NCKAP5: variants seen among roughly 807,000 people sequenced by gnomAD.
NCKAP5 encodes the protein nck-associated protein 5.
Under a neutral mutation model 167.0 loss-of-function variants are expected in NCKAP5, and 92 were observed. The observed-to-expected ratio is 0.55, with a 90% CI of 0.47 to 0.66. NCKAP5 has a LOEUF of 0.66. Among genes scored for constraint, NCKAP5 ranks in the 30% least tolerant of loss-of-function variants. NCKAP5 has a pLI of 0.00. For synonymous variants in NCKAP5, 891 were observed against 877.4 expected (o/e 1.02, Z -0.27); for missense variants, 2,378 against 2,315.0 (o/e 1.03, Z -0.56).
chr2:133,225,767 T>C (rs531799182), intron 4 of NCKAP5, among the ~76,000 whole-genome samples: 3 of 143,858 alleles, frequency 2.1e-5, no homozygotes, highest in Non-Finnish European at 4.5e-5. Flanking sequence ...GTGTGGGTCA[T>C]CATGCCCTGT....
intron 3 of NCKAP5, among the ~76,000 whole-genome samples, chr2:133,436,791 G>T (rs564600171): frequency 3.3e-5 from 5 of 152,098 alleles, no homozygotes; most frequent in African/African-American, 1.2e-4. Flanking sequence ...GATACATCAC[G>T]TGTATGTTAA....
At chr2:133,474,587 T>C (rs1460902615) in intron 3 of NCKAP5, among the ~76,000 whole-genome samples, 1 of 152,242 alleles carries the variant, frequency 6.6e-6, no homozygotes, top group African/African-American at 2.4e-5. Flanking sequence ...AGGCAATGCA[T>C]ATGTTAATTA....
intron 8 of NCKAP5, among the ~76,000 whole-genome samples, chr2:132,961,131 G>A (rs2076498991): frequency 2.0e-5 from 3 of 151,976 alleles, no homozygotes; most frequent in Non-Finnish European, 4.4e-5. Flanking sequence ...TCCACATGGG[G>A]TCTGTGACCA....
At chr2:133,631,469 G>A in the NCKAP5 span, among the ~76,000 whole-genome samples, 1 of 152,224 alleles carries the variant, frequency 6.6e-6, no homozygotes, top group Non-Finnish European at 1.5e-5. Context: ...GCTTTCTTTA[G>A]AGAATGTTTC....
At chr2:133,281,264 T>A (rs2150464967) in intron 4 of NCKAP5, among the ~76,000 whole-genome samples, 1 of 152,372 alleles carries the variant, frequency 6.6e-6, no homozygotes, top group South Asian at 2.1e-4. Flanking sequence ...TATAACTTTG[T>A]TTATAAAGAC....
chr2:133,059,704 A>G (rs1295448185), intron 6 of NCKAP5, among the ~76,000 whole-genome samples: 1 of 152,082 alleles, frequency 6.6e-6, no homozygotes, highest in Non-Finnish European at 1.5e-5. Flanking sequence ...AGAAAAAGAA[A>G]AAAAAGGTAC....
chr2:133,451,591 A>C (rs1425555365), intron 3 of NCKAP5, among the ~76,000 whole-genome samples: 3 of 152,184 alleles, frequency 2.0e-5, no homozygotes, highest in Non-Finnish European at 2.9e-5. Context: ...GTAACATATC[A>C]ACTTCACTAA....
At chr2:132,813,594 A>T (rs529142164) in intron 11 of NCKAP5, among the ~76,000 whole-genome samples, 2 of 152,170 alleles carry the variant, frequency 1.3e-5, no homozygotes, top group African/African-American at 4.8e-5. Context: ...AATCCTGAAG[A>T]CATGCAGTGA....
the NCKAP5 span, among the ~76,000 whole-genome samples, chr2:133,653,021 G>A: frequency 4.6e-5 from 7 of 152,270 alleles, no homozygotes; most frequent in South Asian, 1.5e-3. Flanking sequence ...ATTCACATCA[G>A]GCTTTTCCAG....
intron 3 of NCKAP5, among the ~76,000 whole-genome samples, chr2:133,324,287 T>A (rs1163376740): frequency 1.3e-5 from 2 of 152,248 alleles, no homozygotes; most frequent in African/African-American, 2.4e-5. Flanking sequence ...GAGGCCTGAG[T>A]GGCATTTAGG....
chr2:133,141,038 G>A (rs553926552), intron 5 of NCKAP5, among the ~76,000 whole-genome samples: 1 of 151,970 alleles, frequency 6.6e-6, no homozygotes, highest in African/African-American at 2.4e-5. Context: ...GACCCCCCAC[G>A]ACCTTAGTGG....
chr2:133,377,182 C>G (rs1237294698), intron 3 of NCKAP5, among the ~76,000 whole-genome samples: 1 of 152,130 alleles, frequency 6.6e-6, no homozygotes, highest in Non-Finnish European at 1.5e-5. Context: ...CACCCATATA[C>G]AGCTATTATT....
chr2:132,938,706 T>C (rs1464621882), intron 8 of NCKAP5, among the ~76,000 whole-genome samples: 1 of 152,184 alleles, frequency 6.6e-6, no homozygotes. Flanking sequence ...AGTAATACTT[T>C]AAGACAGCAT....
intron 2 of NCKAP5, among the ~76,000 whole-genome samples, chr2:133,548,274 G>C (rs1686932655): frequency 6.6e-6 from 1 of 152,170 alleles, no homozygotes; most frequent in Non-Finnish European, 1.5e-5. Context: ...AAAGTGATGG[G>C]GAGAATGGAA....
At chr2:133,444,409 T>TAGATAGATAGATATAGATAG (rs1190357351) in intron 3 of NCKAP5, among the ~76,000 whole-genome samples, 7 of 138,768 alleles carry the variant, frequency 5.0e-5, no homozygotes, top group East Asian at 2.1e-4. Flanking sequence ...GATAGATAGA[T>TAGATAGATAGATATAGATAG]ATAGATATAG....
intron 3 of NCKAP5, among the ~76,000 whole-genome samples, chr2:133,476,597 GC>G (rs1679925657): frequency 6.6e-6 from 1 of 152,130 alleles, no homozygotes; most frequent in South Asian, 2.1e-4. Flanking sequence ...TAATCTCCAT[GC>G]TTTTAATTTA....
rs1185086269 is a variant in NCKAP5, at chr2:133,468,296, T to C, written c.69+49162A>G. Among the ~76,000 whole-genome samples, 5 of 144,142 alleles carry C rather than the reference T, an allele frequency of 3.5e-5. No individual in the cohort carries two copies. The Admixed American group carries it at 3.5e-4, about 10-fold the overall frequency. 94.6% of individuals were successfully genotyped at this position (144,142 alleles called of 152,430 possible). A position where few individuals can be genotyped will look rare whatever the true frequency, so the allele number is the denominator to read the frequency against. ...CAGTAGTCATTCAGGAGCAGGTTGT[T>C]CAGTTTCTATGTAGTTGAGCGGTTT... On this transcript the variant is annotated intron_variant, in intron 3 of 19. Transcript: ENST00000409261.
intron 3 of NCKAP5, among the ~76,000 whole-genome samples, chr2:133,383,345 T>A (rs1195847502): frequency 6.6e-6 from 1 of 152,202 alleles, no homozygotes. Context: ...GATCGTATGC[T>A]GAGAATGATG....
At chr2:133,193,675 C>A (rs920206885) in intron 5 of NCKAP5, among the ~76,000 whole-genome samples, 1 of 151,880 alleles carries the variant, frequency 6.6e-6, no homozygotes, top group Non-Finnish European at 1.5e-5. Context: ...CCTGTACTAG[C>A]GATTCAACCA....
Sources: gnomAD v4.1 joint callset for allele counts (sites outside exome capture counted in the v4.1 genomes callset) on GRCh38, gnomAD v4.1.1 for gene constraint, MANE v1.5 for transcripts, NCBI Gene and HGNC (gene_info 2026-07-23, HGNC 2026-07-21) for gene names.